Variants in SAMMSON observed in about 807,000 individuals in gnomAD.
SAMMSON encodes the protein survival associated mitochondrial melanoma specific oncogenic non-coding RNA.
At chr3:70,253,576 A>G (rs574342364) in intron 6 of SAMMSON, among the ~76,000 whole-genome samples, 1 of 152,298 alleles carries the variant, frequency 6.6e-6, no homozygotes, top group East Asian at 1.9e-4. Context: ...CAAAATAATT[A>G]GCCAGGTGTG....
chr3:70,327,545 A>C (rs985198057), intron 7 of SAMMSON, among the ~76,000 whole-genome samples: 2 of 152,174 alleles, frequency 1.3e-5, no homozygotes, highest in Non-Finnish European at 1.5e-5. Context: ...CAAGGAGAGC[A>C]AACAATCAAG....
chr3:70,338,313 G>T (rs998786983), intron 7 of SAMMSON, among the ~76,000 whole-genome samples: 1 of 151,604 alleles, frequency 6.6e-6, no homozygotes, highest in Non-Finnish European at 1.5e-5. Flanking sequence ...AAAGCAAACA[G>T]GAGGATAATG....
At chr3:70,002,893 C>CT (rs2066911594) in intron 1 of SAMMSON, among the ~76,000 whole-genome samples, 1 of 152,060 alleles carries the variant, frequency 6.6e-6, no homozygotes, top group Non-Finnish European at 1.5e-5. Context: ...TTCTTCAGAT[C>CT]TTTTACATCT....
chr3:70,274,782 G>C (rs776740146), intron 6 of SAMMSON, among the ~76,000 whole-genome samples: 4 of 151,958 alleles, frequency 2.6e-5, no homozygotes, highest in African/African-American at 2.4e-5. Flanking sequence ...ATTTTAAAAA[G>C]GAAACTTCCA....
chr3:70,119,313 T>C (rs2067423672), intron 4 of SAMMSON, among the ~76,000 whole-genome samples: 3 of 152,200 alleles, frequency 2.0e-5, no homozygotes, highest in Admixed American at 2.0e-4. Context: ...GTGATCCACC[T>C]GCCTTGGTCT....
intron 2 of SAMMSON, among the ~76,000 whole-genome samples, chr3:70,400,021 G>A (rs1165898877): frequency 6.6e-6 from 1 of 150,752 alleles, no homozygotes; most frequent in East Asian, 1.9e-4. Flanking sequence ...ATTATATTGT[G>A]TGAAAATAGT....
chr3:70,194,418 A>C (rs1334347154), intron 4 of SAMMSON, among the ~76,000 whole-genome samples: 1 of 152,212 alleles, frequency 6.6e-6, no homozygotes, highest in Non-Finnish European at 1.5e-5. Flanking sequence ...TACTTCTGCA[A>C]TTGTATTTCC....
chr3:70,142,929 A>G (rs1431196668), intron 4 of SAMMSON, among the ~76,000 whole-genome samples: 1 of 152,104 alleles, frequency 6.6e-6, no homozygotes, highest in South Asian at 2.1e-4. Flanking sequence ...CCTATTTCAC[A>G]TGGAAGAAGC....
intron 2 of SAMMSON, among the ~76,000 whole-genome samples, chr3:70,399,429 G>A (rs973008027): frequency 8.5e-5 from 13 of 152,172 alleles, no homozygotes; most frequent in African/African-American, 3.1e-4. Context: ...GGACATGACC[G>A]TATTTTATAG....
intron 9 of SAMMSON, among the ~76,000 whole-genome samples, chr3:70,374,344 T>C (rs1212087892): frequency 1.3e-5 from 2 of 152,066 alleles, no homozygotes; most frequent in African/African-American, 2.4e-5. Context: ...TGATTTTTTA[T>C]TGAAACACAA....
intron 1 of SAMMSON, among the ~76,000 whole-genome samples, chr3:70,008,545 T>C (rs369984251): frequency 6.0e-4 from 92 of 152,304 alleles, no homozygotes; most frequent in African/African-American, 2.0e-3. Flanking sequence ...TGGGCTGAGA[T>C]GATGGGGTTT....
At chr3:70,205,270 A>T (rs1701279287) in intron 4 of SAMMSON, 1 of 152,194 alleles carries the variant, frequency 6.6e-6, no homozygotes, top group African/African-American at 2.4e-5. Flanking sequence ...GTGTCGAGGT[A>T]GTGACATTTA....
At chr3:70,351,535 G>C (rs1334466386) in intron 7 of SAMMSON, among the ~76,000 whole-genome samples, 2 of 152,022 alleles carry the variant, frequency 1.3e-5, no homozygotes, top group African/African-American at 4.8e-5. Flanking sequence ...TATTTAAAAT[G>C]CCCAAAAATA....
intron 4 of SAMMSON, among the ~76,000 whole-genome samples, chr3:70,090,756 G>T: frequency 1.4e-5 from 2 of 148,114 alleles, no homozygotes; most frequent in Non-Finnish European, 1.5e-5. Flanking sequence ...ACCTTTCCAT[G>T]TCAAATTGCT....
At chr3:70,015,425 G>A (rs1331402928) in intron 3 of SAMMSON, 1 of 150,916 alleles carries the variant, frequency 6.6e-6, no homozygotes, top group East Asian at 1.9e-4. Flanking sequence ...ATGTTAACAA[G>A]TCGTTTATTT....
At chr3:70,233,752 C>T (rs994573570) in intron 4 of SAMMSON, among the ~76,000 whole-genome samples, 18 of 152,032 alleles carry the variant, frequency 1.2e-4, no homozygotes, top group Non-Finnish European at 2.1e-4. Context: ...CAGTTTGTAC[C>T]TTTTTTTGGT....
intron 4 of SAMMSON, chr3:70,205,012 A>G (rs983000472): frequency 6.6e-6 from 1 of 152,100 alleles, no homozygotes; most frequent in Admixed American, 6.6e-5. Context: ...ATTAATCTCT[A>G]CCAAAGCTAG....
intron 4 of SAMMSON, among the ~76,000 whole-genome samples, chr3:70,145,986 T>C (rs985520900): frequency 6.6e-6 from 1 of 151,980 alleles, no homozygotes; most frequent in African/African-American, 2.4e-5. Context: ...AGACACACAT[T>C]CTTAACACCA....
intron 2 of SAMMSON, among the ~76,000 whole-genome samples, chr3:70,409,732 T>G (rs1201342702): frequency 1.4e-4 from 22 of 152,232 alleles, no homozygotes; most frequent in Non-Finnish European, 4.4e-5. Flanking sequence ...CTGCTTTTAT[T>G]ATCCTTGTTG....
Sources: allele counts gnomAD v4.1 joint callset (sites outside exome capture counted in the v4.1 genomes callset), GRCh38; gene constraint gnomAD v4.1.1; transcripts MANE v1.5; gene names NCBI Gene and HGNC (gene_info 2026-07-23, HGNC 2026-07-21).